The following SCN1A variants were observed in gnomAD, a reference collection of about 807,000 sequenced individuals.
SCN1A encodes sodium channel protein type 1 subunit alpha.
A neutral mutation model predicts 193.7 loss-of-function variants in SCN1A; 13 were observed. The observed-to-expected ratio is 0.07, with a 90% confidence interval of 0.04 to 0.11. The LOEUF (loss-of-function observed/expected upper bound fraction) is 0.11, where lower values mean the gene tolerates loss of function less well. SCN1A is among the 10% of genes least tolerant of loss of function. SCN1A has a pLI of 1.00. For missense variants in SCN1A, 1,432 were observed against 2,451.1 expected, an observed-to-expected ratio of 0.58 and a Z score of 8.78; for synonymous variants, 781 against 843.6, an observed-to-expected ratio of 0.93 and a Z score of 1.29.
chr2:166,013,598 T>G, intron 21 of SCN1A, 146 bp downstream of exon 21: 1 of 725,702 alleles, frequency 1.4e-6, no homozygotes, highest in Non-Finnish European at 2.4e-6. Context: ...AAATATAGAG[T>G]TATAGAGTAA....
rs146520391 is a variant in SCN1A at position 166,043,942 on chromosome 2, G to A, written c.1770C>T (p.Phe590=). The change falls in exon 14 of 29, where the codon TTC becomes TTT. Residue 590 remains phenylalanine (F), a synonymous_variant. Transcript: ENST00000674923. ...CAAAGGTGCTGTGCTCATCATCTGC[G>A]AAGTCGTTCTCAGATCCCACATCCT... ...RAKDVGSEND[F]ADDEHSTFED... The A allele has an allele frequency of 4.5e-5, 72 of 1,614,016 alleles. No individual in the cohort carries two copies. Among genetic ancestry groups the A allele is most frequent in the Non-Finnish European group, 5.5e-5 (65 of 1,180,032 alleles).
rs1489623233 is a variant in SCN1A, at chr2:166,043,807, A to C, written c.1905T>G (p.Phe635Leu). The C allele has an allele frequency of 1.2e-6, 2 of 1,614,064 alleles. No homozygotes were observed. The highest frequency in any genetic ancestry group is 1.7e-6 in the Non-Finnish European group (2 of 1,180,038). ...TSRSSRMLAVFPANGKMHSTV... is the reference protein window; with the variant it reads ...TSRSSRMLAVLPANGKMHSTV... ...TGCTGTGCATCTTCCCATTCGCTGG[A>C]AACACTGCCAGCATCCGGGATGACC... Residue 635 changes from phenylalanine to leucine, a missense_variant, in exon 14 of 29, where the codon TTT becomes TTG. This residue lies in a region of SCN1A where 316 missense variants were observed against 362.1 expected (regional missense o/e 0.87). Coordinates refer to ENST00000674923, the MANE Select transcript of SCN1A (RefSeq NM_001165963.4).
chr2:166,069,732 A>G (rs1158065248), intron 4 of SCN1A, among the ~76,000 whole-genome samples: 1 of 152,262 alleles, frequency 6.6e-6, no homozygotes, highest in African/African-American at 2.4e-5. Flanking sequence ...ATACTGATGC[A>G]AATGACACAT....
At chr2:166,143,193 G>GTTTT (rs1692165581) in intron 1 of SCN1A, among the ~76,000 whole-genome samples, 1 of 142,784 alleles carries the variant, frequency 7.0e-6, no homozygotes, top group Non-Finnish European at 1.5e-5. Context: ...TTGAGATGGA[G>GTTTT]TTTCGCTCTG....
intron 10 of SCN1A, 115 bp downstream of exon 10, chr2:166,048,771 A>G: frequency 1.4e-6 from 1 of 724,924 alleles, no homozygotes; most frequent in Non-Finnish European, 2.5e-6. Context: ...ATAGCAAATT[A>G]ATGTCAATAA....
rs1232053253 is a variant in SCN1A, at chr2:166,101,278, A to C, written c.-141-23477T>G. Among the ~76,000 whole-genome samples the C allele has an allele frequency of 2.0e-5, 3 of 149,288 alleles. No homozygotes were observed. The Admixed American group carries it at 2.0e-4, about 10-fold the overall frequency. On this transcript the variant is annotated intron_variant, in intron 2 of 28. Coordinates refer to ENST00000674923, the MANE Select transcript of SCN1A (RefSeq NM_001165963.4). Reference sequence around the variant, plus strand: ...GCAAGAACAAAAAACCAAACACCGCATATTCTCACTCATAGGTGGGAATTG... The same window carrying C: ...GCAAGAACAAAAAACCAAACACCGCCTATTCTCACTCATAGGTGGGAATTG...
chr2:166,110,819 T>C (rs1453591621), intron 2 of SCN1A, among the ~76,000 whole-genome samples: 1 of 152,156 alleles, frequency 6.6e-6, no homozygotes, highest in Non-Finnish European at 1.5e-5. Flanking sequence ...AATTGAATCA[T>C]GGGGGCAGGT....
At chr2:166,064,357 C>G (rs1683620729) in intron 4 of SCN1A, among the ~76,000 whole-genome samples, 1 of 152,108 alleles carries the variant, frequency 6.6e-6, no homozygotes, top group Non-Finnish European at 1.5e-5. Flanking sequence ...CCAGATGATT[C>G]TGTCATAGCA....
At chr2:166,017,213 T>C (rs10182473) in intron 19 of SCN1A, among the ~76,000 whole-genome samples, 47,331 of 151,480 alleles carry the variant, frequency 0.31, 7,779 homozygotes, top group East Asian at 0.61. Context: ...CTGCATACTA[T>C]GCTCAGAAGC....
In SCN1A at chr2:166,007,535, A is replaced by G. The variant is rs1691822645; in HGVS notation, c.4002+2184T>C. 4.0e-5 allele frequency among the ~76,000 whole-genome samples: 6 copies of G among 151,398 alleles called. No individual in the cohort carries two copies. The Admixed American group carries it at 4.0e-4, about 10-fold the overall frequency. On this transcript the variant is annotated intron_variant, in intron 23 of 28. Coordinates refer to ENST00000674923, the MANE Select transcript of SCN1A (RefSeq NM_001165963.4). Reference sequence around the variant, plus strand: ...TCAATTCACTCAGTTTAATTTTACAAGTTGAAAAATTTGGACTGGAAATTT... The same window carrying G: ...TCAATTCACTCAGTTTAATTTTACAGGTTGAAAAATTTGGACTGGAAATTT...
At chr2:166,098,471 T>C (rs1429878116) in intron 2 of SCN1A, among the ~76,000 whole-genome samples, 1 of 151,904 alleles carries the variant, frequency 6.6e-6, no homozygotes, top group Non-Finnish European at 1.5e-5. Flanking sequence ...CTCTTACCAC[T>C]CCTACTCAAC....
At chr2:166,006,680 C>T (rs1324872832) in intron 23 of SCN1A, among the ~76,000 whole-genome samples, 1 of 151,230 alleles carries the variant, frequency 6.6e-6, no homozygotes, top group Non-Finnish European at 1.5e-5. Flanking sequence ...TTGAAAATAA[C>T]CCCATATGAA....
chr2:166,101,275 CGCA>C (rs1688033082), intron 2 of SCN1A, among the ~76,000 whole-genome samples: 1 of 148,120 alleles, frequency 6.8e-6, no homozygotes, highest in African/African-American at 2.5e-5. Flanking sequence ...AACCAAACAC[CGCA>C]TATTCTCACT....
chr2:166,143,454 C>A (rs1692180539), intron 1 of SCN1A, among the ~76,000 whole-genome samples: 1 of 152,080 alleles, frequency 6.6e-6, no homozygotes, highest in Non-Finnish European at 1.5e-5. Context: ...GCATGAGCCA[C>A]TGCGCCTGGC....
intron 4 of SCN1A, 74 bp downstream of exon 4, chr2:166,073,284 G>A (rs1684647385): frequency 6.4e-7 from 1 of 1,557,930 alleles, no homozygotes; most frequent in Non-Finnish European, 8.8e-7. Flanking sequence ...AATTTGGCAT[G>A]TGTTGGTGCT....
intron 19 of SCN1A, among the ~76,000 whole-genome samples, chr2:166,018,410 C>T (rs186754239): frequency 2.9e-4 from 44 of 152,076 alleles, no homozygotes; most frequent in Non-Finnish European, 5.0e-4. Flanking sequence ...TACTTTTTGA[C>T]ACATTTTCAA....
At chr2:166,131,331 A>G (rs891410369), upstream of SCN1A, among the ~76,000 whole-genome samples, 9 of 152,246 alleles carry the variant, frequency 5.9e-5, no homozygotes, top group African/African-American at 2.2e-4. Context: ...AGAGTTCCTA[A>G]CAAGGAAAAG....
Position 165,990,034 on chromosome 2 carries a change from G to A in SCN1A, c.*1211C>T, listed in dbSNP as rs1248256974. 1 of 152,412 alleles carries A rather than the reference G, an allele frequency of 6.6e-6. No individual in the cohort carries two copies. Among genetic ancestry groups the A allele is most frequent in the Non-Finnish European group, 1.5e-5 (1 of 67,998 alleles). The allele number at this position is 152,412 out of a possible 1,614,324, so 9.4% of individuals were successfully genotyped here. A position where few individuals can be genotyped will look rare whatever the true frequency, so the allele number is the denominator to read the frequency against. ...TCCTTGACTTTACCACTGACATATG[G>A]TTTCTCATAAATGAGATTCTGAGCA... On this transcript the variant is annotated 3_prime_UTR_variant, in exon 29 of 29. Transcript: ENST00000674923.
rs1361885748 is a variant in SCN1A, at chr2:165,991,403, C to T, written c.5872G>A (p.Asp1958Asn). Residue 1958 changes from aspartate to asparagine, a missense_variant, in exon 29 of 29, where the codon GAC (aspartate) becomes AAC (asparagine). Asp to Asn is a conservative substitution (Grantham distance 23). Around this residue, in one of 18 missense-constraint regions of SCN1A, gnomAD observed 148 missense variants for 160.3 expected, o/e 0.92. Coordinates refer to ENST00000674923, the MANE Select transcript of SCN1A (RefSeq NM_001165963.4). ...KGGANLLIKE[D>N]MIIDRINENS... is the part of the protein sequence containing the mutation. ...TCATTTATTCTGTCAATTATCATGT[C>T]TTCTTTTATAAGAAGATTAGCCCCA... 2.5e-6 allele frequency: 4 copies of T among 1,613,734 alleles called. No individual in the cohort carries two copies. The South Asian group carries it at 3.3e-5, about 13-fold the overall frequency.
Sources: gnomAD v4.1 joint callset for allele counts (sites outside exome capture counted in the v4.1 genomes callset) on GRCh38, gnomAD v4.1.1 for gene constraint, gnomAD v4.1.1 regional missense constraint, MANE v1.5 for transcripts, NCBI Gene and HGNC (gene_info 2026-07-23, HGNC 2026-07-21) for gene names.